NTRK3: variants seen among roughly 807,000 people sequenced by gnomAD.
NTRK3 encodes the protein NT-3 growth factor receptor.
A neutral mutation model predicts 91.7 loss-of-function variants in NTRK3; 24 were observed. The observed-to-expected ratio is 0.26, with a 90% CI of 0.19 to 0.37. The LOEUF (loss-of-function observed/expected upper bound fraction) is 0.37. Among genes scored for constraint, NTRK3 ranks in the 10% least tolerant of loss-of-function variants. The pLI, the probability that NTRK3 is intolerant of heterozygous loss-of-function variation, is 1.00. For missense variants in NTRK3, 880 were observed against 1,068.9 expected, an observed-to-expected ratio of 0.82 and a Z score of 2.46; for synonymous variants, 483 against 404.0, an observed-to-expected ratio of 1.20 and a Z score of -2.34.
intron 13 of NTRK3, among the ~76,000 whole-genome samples, chr15:88,080,669 C>T (rs74992657): frequency 2.1e-3 from 323 of 152,324 alleles, no homozygotes; most frequent in East Asian, 0.013. Context: ...CCCACAGTGA[C>T]GTGGCTCTTC....
intron 6 of NTRK3, among the ~76,000 whole-genome samples, chr15:88,140,285 T>A (rs1165199880): frequency 1.3e-5 from 2 of 152,110 alleles, no homozygotes; most frequent in African/African-American, 4.8e-5. Context: ...AAACACAGGG[T>A]CAACACGTAC....
chr15:88,050,813 C>T (rs999156009), intron 13 of NTRK3, among the ~76,000 whole-genome samples: 2 of 152,106 alleles, frequency 1.3e-5, no homozygotes, highest in Non-Finnish European at 2.9e-5. Context: ...AACTGTCCCT[C>T]AGCTAATAAA....
chr15:87,959,824 A>C (rs939874267), intron 14 of NTRK3, among the ~76,000 whole-genome samples: 2 of 152,208 alleles, frequency 1.3e-5, no homozygotes, highest in African/African-American at 2.4e-5. Context: ...GGAACGGCTA[A>C]GAGGGAGCCA....
At chr15:88,058,332 T>A (rs2045910503) in intron 13 of NTRK3, among the ~76,000 whole-genome samples, 1 of 152,170 alleles carries the variant, frequency 6.6e-6, no homozygotes, top group Non-Finnish European at 1.5e-5. Flanking sequence ...TTTTCACCAA[T>A]CAAATGGTAA....
chr15:88,031,425 C>A (rs561438905), intron 14 of NTRK3, among the ~76,000 whole-genome samples: 2 of 152,206 alleles, frequency 1.3e-5, no homozygotes, highest in Non-Finnish European at 2.9e-5. Context: ...CCTCCCAGTC[C>A]TACCCAGGCC....
chr15:88,213,853 G>T (rs184499934), intron 3 of NTRK3, among the ~76,000 whole-genome samples: 1 of 152,188 alleles, frequency 6.6e-6, no homozygotes, highest in Non-Finnish European at 1.5e-5. Flanking sequence ...GATAAGGCGG[G>T]TGGATCACCT....
chr15:88,202,009 T>TAAA (rs111722254), intron 3 of NTRK3, among the ~76,000 whole-genome samples: 11 of 147,940 alleles, frequency 7.4e-5, no homozygotes, highest in African/African-American at 2.7e-4. Flanking sequence ...TCTGGATTCC[T>TAAA]AAAAAAAAAA....
chr15:88,091,939 C>T lies in NTRK3; in HGVS notation c.1396+34332G>A, dbSNP rs577978341. Reference sequence around the variant, plus strand: ...GTTAGCAAAACCACCATGAATCTGCCCCAATCTATTAAAAGAAGTAAATCT... The same window carrying T: ...GTTAGCAAAACCACCATGAATCTGCTCCAATCTATTAAAAGAAGTAAATCT... On this transcript the variant is annotated intron_variant, in intron 13 of 18. Coordinates refer to ENST00000394480, the Ensembl canonical transcript of NTRK3. Among the ~76,000 whole-genome samples, 4 of 152,276 alleles carry T rather than the reference C, an allele frequency of 2.6e-5. No homozygotes were observed. In the East Asian group the frequency reaches 5.8e-4, roughly 22 times the overall value.
chr15:87,874,782 C>T (rs905531043), exon 19 of NTRK3: 22 of 231,938 alleles, frequency 9.5e-5, no homozygotes, highest in Non-Finnish European at 1.2e-4. Context: ...CTCACAGCCC[C>T]GGCATAACGG....
At chr15:88,253,250 G>A (rs1303588564) in intron 3 of NTRK3, 4 of 152,212 alleles carry the variant, frequency 2.6e-5, no homozygotes, top group Admixed American at 6.5e-5. Context: ...TCTCCAGCAA[G>A]GCACGGGCTT....
chr15:87,879,773 A>G (rs887560628), intron 18 of NTRK3, among the ~76,000 whole-genome samples: 3 of 152,194 alleles, frequency 2.0e-5, no homozygotes, highest in Non-Finnish European at 4.4e-5. Context: ...CATAGTAATA[A>G]AATAAACACG....
chr15:87,908,806 A>G (rs1017684671), intron 17 of NTRK3, among the ~76,000 whole-genome samples: 3 of 152,002 alleles, frequency 2.0e-5, no homozygotes, highest in African/African-American at 7.3e-5. Context: ...CAGAAACACA[A>G]GGCACTCGGG....
chr15:87,980,666 G>T (rs1004893485), intron 14 of NTRK3, among the ~76,000 whole-genome samples: 2 of 152,170 alleles, frequency 1.3e-5, no homozygotes, highest in Non-Finnish European at 2.9e-5. Context: ...GGAAAAACTT[G>T]AAACAAAATT....
rs990393545 is a variant in NTRK3 at position 88,234,905 on chromosome 15, C to T, written c.248+21001G>A. Among the ~76,000 whole-genome samples, 2 of 152,154 alleles carry T rather than the reference C, an allele frequency of 1.3e-5. No homozygotes were observed. Among genetic ancestry groups the T allele is most frequent in the East Asian group, 1.9e-4 (1 of 5,168 alleles). Reference sequence around the variant, plus strand: ...CCTGCTCCCAGGGCCTCCTATCCAGCCCCCGACACACTTCCAGCCCCTTCC... The same window carrying T: ...CCTGCTCCCAGGGCCTCCTATCCAGTCCCCGACACACTTCCAGCCCCTTCC... On this transcript the variant is annotated intron_variant, in intron 3 of 18. Coordinates refer to ENST00000394480, the Ensembl canonical transcript of NTRK3. The surrounding 1 kb of genome is among the most constrained non-coding windows in gnomAD (Gnocchi z 6.1).
intron 14 of NTRK3, among the ~76,000 whole-genome samples, chr15:88,031,865 C>T (rs570863981): frequency 2.6e-5 from 4 of 152,240 alleles, no homozygotes; most frequent in East Asian, 3.9e-4. Context: ...GACCAAAAAG[C>T]GCCTCTTCCT....
At chr15:88,252,292 G>A (rs1239177605) in intron 3 of NTRK3, among the ~76,000 whole-genome samples, 1 of 151,998 alleles carries the variant, frequency 6.6e-6, no homozygotes, top group Non-Finnish European at 1.5e-5. Flanking sequence ...GTCTCCCCTT[G>A]ATCCTTAGAA....
At chr15:87,958,143 A>T (rs1361402717) in intron 14 of NTRK3, among the ~76,000 whole-genome samples, 2 of 152,218 alleles carry the variant, frequency 1.3e-5, no homozygotes, top group Non-Finnish European at 2.9e-5. Flanking sequence ...CAAATTAGTG[A>T]TTTCAGGGGC....
Position 87,871,863 on chromosome 15 carries a change from A to T in NTRK3, c.*5072T>A, listed in dbSNP as rs1175024924. ...TTCTTTAGAAGACACTCCCAGTATT[A>T]TTAAGCAACACCAAAACATTTTCCC... On this transcript the variant is annotated 3_prime_UTR_variant, in exon 19 of 19. Transcript: ENST00000394480. 3.6e-5 allele frequency: 8 copies of T among 221,980 alleles called. No homozygotes were observed. In the Admixed American group the frequency reaches 4.0e-4, roughly 11 times the overall value. 13.8% of individuals were successfully genotyped at this position (221,980 alleles called of 1,614,324 possible). A position where few individuals can be genotyped will look rare whatever the true frequency, so the allele number is the denominator to read the frequency against.
chr15:87,877,149 A>T, intron 18 of NTRK3, 29 bp from the exon 20 acceptor site: 1 of 1,611,600 alleles, frequency 6.2e-7, no homozygotes. Flanking sequence ...CAAGGAAGTT[A>T]CACCCAAAGC....
Sources: allele counts gnomAD v4.1 joint callset (sites outside exome capture counted in the v4.1 genomes callset), GRCh38; gene constraint gnomAD v4.1.1; non-coding constraint Gnocchi (gnomAD v3.1); transcripts MANE v1.5; gene names NCBI Gene and HGNC (gene_info 2026-07-23, HGNC 2026-07-21).